Variants in NAALADL2 observed in about 807,000 individuals in gnomAD.
NAALADL2 encodes inactive N-acetylated-alpha-linked acidic dipeptidase-like protein 2.
A neutral mutation model predicts 87.2 loss-of-function variants in NAALADL2; 76 were observed. That is an observed-to-expected ratio of 0.87 (90% CI 0.72 to 1.05). NAALADL2 has a LOEUF of 1.05. Among genes scored for constraint, NAALADL2 ranks in the 50% least tolerant of loss-of-function variants. The pLI, the probability that NAALADL2 is intolerant of heterozygous loss-of-function variation, is 0.00. For missense variants in NAALADL2, 1,089 were observed against 945.8 expected (o/e 1.15, Z -1.99); for synonymous variants, 354 against 331.0 (o/e 1.07, Z -0.75).
chr3:175,489,348 T>G (rs879664617), intron 9 of NAALADL2, among the ~76,000 whole-genome samples: 6 of 152,200 alleles, frequency 3.9e-5, no homozygotes, highest in Non-Finnish European at 5.9e-5. Flanking sequence ...TAAAAATAGT[T>G]AAATTGGTAT....
chr3:175,298,917 C>A (rs571537702), intron 4 of NAALADL2, among the ~76,000 whole-genome samples: 4 of 152,002 alleles, frequency 2.6e-5, no homozygotes, highest in Non-Finnish European at 5.9e-5. Flanking sequence ...ACATTTGGGG[C>A]TATATATTGG....
intron 1 of NAALADL2, among the ~76,000 whole-genome samples, chr3:174,888,950 C>CA (rs1730540480): frequency 6.6e-6 from 1 of 152,204 alleles, no homozygotes; most frequent in African/African-American, 2.4e-5. Context: ...ATTTGAATCT[C>CA]AAAAAACTTT....
chr3:174,814,086 ATTTTAT>A (rs1720516578), intron 3 of NAALADL2, among the ~76,000 whole-genome samples: 1 of 150,566 alleles, frequency 6.6e-6, no homozygotes, highest in Non-Finnish European at 1.5e-5. Flanking sequence ...TTAGGTAAAT[ATTTTAT>A]TTTTATTTAT....
chr3:175,333,915 T>C (rs1366867918), intron 5 of NAALADL2, among the ~76,000 whole-genome samples: 1 of 152,190 alleles, frequency 6.6e-6, no homozygotes, highest in East Asian at 1.9e-4. Context: ...ATACATTCCA[T>C]GCATGTAACA....
At position 175,597,099 on chromosome 3, in the gene NAALADL2, C is replaced by T. The variant is rs13434215; in HGVS notation, c.1800+20912C>T. Among the ~76,000 whole-genome samples, 755 of 152,098 alleles carry T rather than the reference C, an allele frequency of 5.0e-3. 15 individuals are homozygous for T. The highest frequency in any genetic ancestry group is 0.017 in the African/African-American group (707 of 41,556). On this transcript the variant is annotated intron_variant, in intron 10 of 13. Transcript: ENST00000454872. ...TTTATTTCTTCTGAAATATGCATAACTTCTTGAAGGTAACTTTCAACTCTT... is the reference window on the plus strand; with the variant it reads ...TTTATTTCTTCTGAAATATGCATAATTTCTTGAAGGTAACTTTCAACTCTT...
Position 175,760,560 on chromosome 3 carries a change from A to C in NAALADL2, c.2189+5142A>C, listed in dbSNP as rs562869165. Among the ~76,000 whole-genome samples the C allele has an allele frequency of 2.6e-5, 4 of 152,326 alleles. No individual in the cohort carries two copies. In the South Asian group the frequency reaches 8.3e-4, roughly 32 times the overall value. ...ATGTTGAAAATTACAAAGCATCACA[A>C]AATATCAGTACTATCAAATCCAGCA... On this transcript the variant is annotated intron_variant, in intron 13 of 13. Transcript: ENST00000454872.
intron 2 of NAALADL2, among the ~76,000 whole-genome samples, chr3:175,183,268 T>A (rs1275172112): frequency 6.6e-6 from 1 of 152,022 alleles, no homozygotes; most frequent in African/African-American, 2.4e-5. Flanking sequence ...TTGTAATTAT[T>A]GTAAATGGAA....
intron 1 of NAALADL2, among the ~76,000 whole-genome samples, chr3:174,499,972 G>C (rs1718786764): frequency 6.6e-6 from 1 of 151,752 alleles, no homozygotes; most frequent in South Asian, 2.1e-4. Flanking sequence ...ATCCTTCTGG[G>C]ATTTTTTTCA....
chr3:174,910,476 G>A lies in NAALADL2; in HGVS notation c.43+51026G>A, dbSNP rs1468357300. On this transcript the variant is annotated intron_variant, in intron 1 of 13. Transcript: ENST00000454872. ...TAGTACTCCTTGACTTTGGGGGTGG[G>A]AACTGAGGAATAAGCAGTAAACATA... Among the ~76,000 whole-genome samples, 16 of 152,036 alleles carry A rather than the reference G, an allele frequency of 1.1e-4. 1 individual carries two copies. The highest frequency in any genetic ancestry group is 9.8e-4 in the Admixed American group (15 of 15,266).
chr3:175,665,893 T>C (rs905467863), intron 11 of NAALADL2, among the ~76,000 whole-genome samples: 4 of 152,054 alleles, frequency 2.6e-5, no homozygotes, highest in African/African-American at 9.7e-5. Flanking sequence ...ATCGCGCCAC[T>C]GCACTCCAGC....
chr3:174,734,981 C>T (rs1733055606), intron 2 of NAALADL2, among the ~76,000 whole-genome samples: 1 of 152,030 alleles, frequency 6.6e-6, no homozygotes, highest in Non-Finnish European at 1.5e-5. Flanking sequence ...TAGTCACAAG[C>T]TTGTACAATA....
chr3:174,584,863 C>T (rs552915986), intron 2 of NAALADL2, among the ~76,000 whole-genome samples: 3 of 152,172 alleles, frequency 2.0e-5, no homozygotes, highest in Non-Finnish European at 2.9e-5. Context: ...TTATTCACTG[C>T]GAATGCACTC....
chr3:175,063,879 CA>C (rs1478622276), intron 1 of NAALADL2, among the ~76,000 whole-genome samples: 1 of 152,094 alleles, frequency 6.6e-6, no homozygotes, highest in Non-Finnish European at 1.5e-5. Flanking sequence ...CCGTATTTGT[CA>C]AATCAGTTGT....
chr3:174,863,049 A>G lies in NAALADL2; in HGVS notation c.43+3599A>G, dbSNP rs535030582. The stretch of plus-strand genomic sequence containing the variant: ...GAAGGAGAATTTTGCCATCACAGTT[A>G]GGAAAAAATAATCTTCAGAAAATTA... On this transcript the variant is annotated intron_variant, in intron 1 of 13. Coordinates refer to ENST00000454872, the MANE Select transcript of NAALADL2 (RefSeq NM_207015.3). Among the ~76,000 whole-genome samples the G allele has an allele frequency of 9.9e-5, 15 of 152,258 alleles. 1 individual carries two copies. In the East Asian group the frequency reaches 2.5e-3, roughly 26 times the overall value.
chr3:174,923,878 A>C (rs905457230), intron 1 of NAALADL2, among the ~76,000 whole-genome samples: 1 of 152,118 alleles, frequency 6.6e-6, no homozygotes, highest in Non-Finnish European at 1.5e-5. Flanking sequence ...TGGGTAGTTC[A>C]TCAGTTCAAA....
intron 5 of NAALADL2, among the ~76,000 whole-genome samples, chr3:175,420,710 A>T (rs988438676): frequency 1.3e-5 from 2 of 152,046 alleles, no homozygotes; most frequent in African/African-American, 4.8e-5. Context: ...CCTGTTTCTC[A>T]AACAGCTCAT....
intron 4 of NAALADL2, among the ~76,000 whole-genome samples, chr3:175,322,111 A>G (rs1759975295): frequency 6.6e-6 from 1 of 150,548 alleles, no homozygotes. Context: ...CAGTAACCAA[A>G]ACAGCATGGT....
chr3:175,143,261 C>T (rs1474923153), intron 2 of NAALADL2, among the ~76,000 whole-genome samples: 4 of 151,904 alleles, frequency 2.6e-5, no homozygotes, highest in Admixed American at 6.6e-5. Context: ...TATTTCCCCA[C>T]GTTTTAGTGC....
At chr3:175,427,239 G>A (rs1006636563) in intron 5 of NAALADL2, among the ~76,000 whole-genome samples, 2 of 152,156 alleles carry the variant, frequency 1.3e-5, no homozygotes, top group East Asian at 3.9e-4. Flanking sequence ...ATTTACAACA[G>A]AAGAAAGGAA....
Sources: allele counts gnomAD v4.1 joint callset (sites outside exome capture counted in the v4.1 genomes callset), GRCh38; gene constraint gnomAD v4.1.1; transcripts MANE v1.5; gene names NCBI Gene and HGNC (gene_info 2026-07-23, HGNC 2026-07-21).